TENM2: variants seen among roughly 807,000 people sequenced by gnomAD.
The protein encoded by TENM2 is teneurin-2.
A neutral mutation model predicts 245.2 loss-of-function variants in TENM2; 52 were observed. The ratio of observed to expected loss-of-function variants is 0.21; its 90% CI spans 0.17 to 0.27. TENM2 has a LOEUF of 0.27. Ranked by LOEUF, TENM2 falls within the 10% of genes least tolerant of loss-of-function variation. TENM2 has a pLI of 1.00. For synonymous variants in TENM2, 1,363 were observed against 1,438.9 expected (o/e 0.95, Z 1.19); for missense variants, 3,046 against 3,666.8 (o/e 0.83, Z 4.37).
intron 5 of TENM2, among the ~76,000 whole-genome samples, chr5:168,021,946 A>G (rs1161767856): frequency 6.6e-6 from 1 of 152,104 alleles, no homozygotes; most frequent in South Asian, 2.1e-4. Context: ...CTTCTCATCT[A>G]ATTGTCTAAA....
chr5:167,612,297 G>A lies in TENM2; in HGVS notation c.502+236824G>A, dbSNP rs144998611. Among the ~76,000 whole-genome samples the A allele has an allele frequency of 6.0e-4, 91 of 152,084 alleles. 1 individual carries two copies. Among genetic ancestry groups the A allele is most frequent in the African/African-American group, 2.0e-3 (83 of 41,490 alleles). ...ATAGAAGCACATATCTACCTGTAGC[G>A]AGGACAGTTTCCATCAAGACACGCA... On this transcript the variant is annotated intron_variant, in intron 2 of 28. Coordinates refer to ENST00000518659, the Ensembl canonical transcript of TENM2.
At chr5:167,870,554 CATATAT>C (rs60172043) in intron 2 of TENM2, among the ~76,000 whole-genome samples, 3 of 128,392 alleles carry the variant, frequency 2.3e-5, no homozygotes, top group African/African-American at 8.8e-5. Context: ...AATGTGTATA[CATATAT>C]ATATATATAT....
chr5:167,556,515 TTTTG>T (rs1293766170), intron 2 of TENM2, among the ~76,000 whole-genome samples: 1 of 152,050 alleles, frequency 6.6e-6, no homozygotes, highest in Non-Finnish European at 1.5e-5. Flanking sequence ...GGTTATGAAT[TTTTG>T]TTTGTCAGAG....
At chr5:167,852,194 A>G (rs1029890729) in intron 2 of TENM2, among the ~76,000 whole-genome samples, 3 of 152,254 alleles carry the variant, frequency 2.0e-5, no homozygotes, top group Non-Finnish European at 2.9e-5. Context: ...AGCTTGAACC[A>G]CTTAAGTCAA....
the TENM2 span, among the ~76,000 whole-genome samples, chr5:166,992,409 T>C: frequency 6.6e-6 from 1 of 152,208 alleles, no homozygotes; most frequent in African/African-American, 2.4e-5. Context: ...TATTTATTCT[T>C]AGAAAATATT....
At chr5:167,906,722 G>A (rs1171341310) in intron 3 of TENM2, among the ~76,000 whole-genome samples, 1 of 152,050 alleles carries the variant, frequency 6.6e-6, no homozygotes, top group African/African-American at 2.4e-5. Flanking sequence ...TGCATTGGGG[G>A]GTGTTCAATG....
At chr5:167,530,238 A>G (rs1347573446) in intron 2 of TENM2, among the ~76,000 whole-genome samples, 3 of 152,224 alleles carry the variant, frequency 2.0e-5, no homozygotes, top group African/African-American at 7.2e-5. Context: ...AACAAAAATC[A>G]GTTGTTCTAC....
intron 2 of TENM2, among the ~76,000 whole-genome samples, chr5:167,779,827 C>T (rs918614056): frequency 6.6e-6 from 1 of 152,200 alleles, no homozygotes; most frequent in Non-Finnish European, 1.5e-5. Context: ...CTGTCCTGTT[C>T]CCAGCACAAC....
chr5:167,568,480 GAAC>G (rs1351696607), intron 2 of TENM2, among the ~76,000 whole-genome samples: 3 of 151,924 alleles, frequency 2.0e-5, no homozygotes, highest in Admixed American at 6.6e-5. Context: ...ATATAGCAGT[GAAC>G]AACAACAACA....
At chr5:166,985,083 G>A in the TENM2 span, among the ~76,000 whole-genome samples, 2 of 152,168 alleles carry the variant, frequency 1.3e-5, no homozygotes, top group East Asian at 1.9e-4. Flanking sequence ...TACAAATAAA[G>A]ATTTTTGCTC....
the TENM2 span, among the ~76,000 whole-genome samples, chr5:167,051,992 G>T: frequency 7.2e-5 from 11 of 152,060 alleles, no homozygotes; most frequent in Non-Finnish European, 1.5e-4. Context: ...TTGAATTTGA[G>T]TGGATATCTT....
chr5:167,549,235 T>A (rs1772771392), intron 2 of TENM2, among the ~76,000 whole-genome samples: 1 of 152,212 alleles, frequency 6.6e-6, no homozygotes, highest in South Asian at 2.1e-4. Flanking sequence ...AGCTTTGTTT[T>A]ATTTTATGTG....
chr5:167,724,088 G>C (rs927056716), intron 2 of TENM2, among the ~76,000 whole-genome samples: 2 of 152,124 alleles, frequency 1.3e-5, no homozygotes, highest in Non-Finnish European at 2.9e-5. Context: ...AGTGAGACCA[G>C]AGATTGTTTC....
intron 1 of TENM2, among the ~76,000 whole-genome samples, chr5:167,371,547 G>A (rs1250400685): frequency 2.0e-5 from 3 of 151,774 alleles, no homozygotes; most frequent in Admixed American, 2.0e-4. Context: ...TTTTAGTAGA[G>A]ATGGGGTTTA....
At chr5:168,162,746 A>T (rs1229463220) in exon 13 of TENM2, 1 of 1,614,030 alleles carries the variant, frequency 6.2e-7, no homozygotes, top group Non-Finnish European at 8.5e-7. Flanking sequence ...GATAACAAGG[A>T]TAATGAGGGA....
intron 8 of TENM2, among the ~76,000 whole-genome samples, chr5:168,094,641 T>A (rs1793210437): frequency 6.6e-6 from 1 of 151,652 alleles, no homozygotes; most frequent in Non-Finnish European, 1.5e-5. Context: ...CCTCAGCTTG[T>A]TTTCCTGCAA....
At chr5:167,578,330 G>C (rs1774854860) in intron 2 of TENM2, among the ~76,000 whole-genome samples, 1 of 152,198 alleles carries the variant, frequency 6.6e-6, no homozygotes, top group Non-Finnish European at 1.5e-5. Flanking sequence ...CCAGAGGCTG[G>C]AAGCCTGTGA....
At chr5:167,107,654 C>A in the TENM2 span, among the ~76,000 whole-genome samples, 1 of 152,084 alleles carries the variant, frequency 6.6e-6, no homozygotes, top group Non-Finnish European at 1.5e-5. Flanking sequence ...TGGTTTGGGG[C>A]TAAGGTTTGC....
intron 4 of TENM2, among the ~76,000 whole-genome samples, chr5:167,955,964 G>T (rs889348805): frequency 2.6e-5 from 4 of 151,972 alleles, no homozygotes; most frequent in African/African-American, 9.7e-5. Context: ...GCTCTTTTTT[G>T]GTTCCATATT....
Sources: gnomAD v4.1 joint callset for allele counts (sites outside exome capture counted in the v4.1 genomes callset) on GRCh38, gnomAD v4.1.1 for gene constraint, MANE v1.5 for transcripts, NCBI Gene and HGNC (gene_info 2026-07-23, HGNC 2026-07-21) for gene names.